The following SERGEF variants were observed in gnomAD, a reference collection of about 807,000 sequenced individuals.
SERGEF encodes the protein secretion-regulating guanine nucleotide exchange factor.
In SERGEF, 51 loss-of-function variants were observed where a neutral mutation model predicts 50.0. The ratio of observed to expected loss-of-function variants is 1.02; its 90% CI spans 0.81 to 1.29. The LOEUF is 1.29. Ranked by LOEUF, SERGEF falls within the 50% of genes most tolerant of loss-of-function variation. The pLI is 0.00. For missense variants in SERGEF, 521 were observed against 557.0 expected (o/e 0.94, Z 0.65); for synonymous variants, 205 against 212.4 (o/e 0.97, Z 0.30).
At chr11:17,877,730 C>T (rs1851263357) in intron 10 of SERGEF, 1 of 153,780 alleles carries the variant, frequency 6.5e-6, no homozygotes, top group Non-Finnish European at 1.4e-5. Flanking sequence ...GAGGAAGCCT[C>T]TATTAACCAG....
At chr11:17,846,093 G>A (rs888488337) in intron 10 of SERGEF, among the ~76,000 whole-genome samples, 3 of 152,214 alleles carry the variant, frequency 2.0e-5, no homozygotes, top group Admixed American at 6.5e-5. Context: ...CCCCTAAAGG[G>A]ATGGTGCTCT....
intron 10 of SERGEF, among the ~76,000 whole-genome samples, chr11:17,796,657 C>T (rs1410965512): frequency 6.6e-6 from 1 of 152,174 alleles, no homozygotes; most frequent in Non-Finnish European, 1.5e-5. Context: ...TTATAAATTA[C>T]CCAGTCTGTG....
At chr11:17,821,589 A>T (rs1388698253) in intron 10 of SERGEF, among the ~76,000 whole-genome samples, 1 of 152,180 alleles carries the variant, frequency 6.6e-6, no homozygotes, top group Non-Finnish European at 1.5e-5. Context: ...TGCATATGCT[A>T]TTCCCTCTGC....
intron 10 of SERGEF, among the ~76,000 whole-genome samples, chr11:17,816,888 TTCAGA>T (rs1210659660): frequency 2.0e-5 from 3 of 152,184 alleles, no homozygotes; most frequent in African/African-American, 7.2e-5. Flanking sequence ...TGACTTCACC[TTCAGA>T]TCAGATCTCA....
chr11:17,828,206 C>A (rs527793629), intron 10 of SERGEF, among the ~76,000 whole-genome samples: 1 of 152,304 alleles, frequency 6.6e-6, no homozygotes, highest in African/African-American at 2.4e-5. Context: ...ATCTTACATG[C>A]GTGTGTGTTA....
chr11:18,005,962 C>A (rs1854064101), intron 3 of SERGEF, among the ~76,000 whole-genome samples: 1 of 152,258 alleles, frequency 6.6e-6, no homozygotes, highest in Non-Finnish European at 1.5e-5. Flanking sequence ...TGGCCACTGG[C>A]CAGCTACCCC....
chr11:17,833,860 A>G (rs1164333593), intron 10 of SERGEF, among the ~76,000 whole-genome samples: 3 of 152,156 alleles, frequency 2.0e-5, no homozygotes, highest in Non-Finnish European at 4.4e-5. Context: ...CTGTAACCCC[A>G]TGGTATCCAG....
At chr11:17,989,016 T>C (rs552558203) in intron 7 of SERGEF, among the ~76,000 whole-genome samples, 105 of 152,332 alleles carry the variant, frequency 6.9e-4, no homozygotes, top group African/African-American at 2.5e-3. Flanking sequence ...TTCTCTTCAC[T>C]TTTTCATTCA....
intron 10 of SERGEF, 27 bp downstream of exon 10, chr11:17,878,181 A>G: frequency 6.6e-7 from 1 of 1,526,196 alleles, no homozygotes; most frequent in African/African-American, 1.4e-5. Context: ...TTCAGAAGAA[A>G]CAGTTATCAG....
intron 10 of SERGEF, among the ~76,000 whole-genome samples, chr11:17,793,786 G>T (rs1453354120): frequency 6.6e-6 from 1 of 152,206 alleles, no homozygotes; most frequent in African/African-American, 2.4e-5. Flanking sequence ...TTTACAGAGG[G>T]ATTCCCTAGG....
At chr11:17,986,066 C>T (rs569039899) in intron 8 of SERGEF, among the ~76,000 whole-genome samples, 54 of 152,174 alleles carry the variant, frequency 3.5e-4, no homozygotes, top group Non-Finnish European at 6.9e-4. Context: ...ATGTGGCCTG[C>T]AAGTTCATTC....
intron 7 of SERGEF, among the ~76,000 whole-genome samples, chr11:17,992,312 GATAC>G (rs1360023598): frequency 2.0e-5 from 3 of 152,076 alleles, no homozygotes; most frequent in African/African-American, 7.2e-5. Context: ...AAGATAAATA[GATAC>G]ATAGGTAAAC....
intron 10 of SERGEF, among the ~76,000 whole-genome samples, chr11:17,824,347 G>A (rs891048499): frequency 5.9e-5 from 9 of 151,884 alleles, no homozygotes; most frequent in African/African-American, 2.2e-4. Flanking sequence ...CTTCTATCTG[G>A]CTGAATATTG....
At chr11:17,903,179 G>A (rs2133922173) in intron 9 of SERGEF, among the ~76,000 whole-genome samples, 1 of 152,312 alleles carries the variant, frequency 6.6e-6, no homozygotes, top group South Asian at 2.1e-4. Context: ...TCAGCTCTAA[G>A]ATAGATAATT....
At chr11:17,873,538 T>G (rs958977522) in intron 10 of SERGEF, among the ~76,000 whole-genome samples, 1 of 152,204 alleles carries the variant, frequency 6.6e-6, no homozygotes, top group African/African-American at 2.4e-5. Flanking sequence ...ATGCCAAGGT[T>G]AGATGTTCTG....
chr11:17,947,078 G>C (rs997249435), intron 9 of SERGEF, among the ~76,000 whole-genome samples: 1 of 152,224 alleles, frequency 6.6e-6, no homozygotes, highest in Non-Finnish European at 1.5e-5. Flanking sequence ...ATAATCAGAT[G>C]TTACAATACA....
At chr11:17,823,000 C>T (rs543535898) in intron 10 of SERGEF, among the ~76,000 whole-genome samples, 2 of 152,276 alleles carry the variant, frequency 1.3e-5, no homozygotes, top group South Asian at 2.1e-4. Flanking sequence ...ATTAGCCAAA[C>T]GTCATATTGT....
chr11:17,874,705 G>A (rs1851210748), intron 10 of SERGEF, among the ~76,000 whole-genome samples: 1 of 152,158 alleles, frequency 6.6e-6, no homozygotes, highest in East Asian at 1.9e-4. Context: ...GCAGAATCCT[G>A]TCCTTGAACA....
At chr11:17,978,340 G>A (rs1220080090) in intron 8 of SERGEF, among the ~76,000 whole-genome samples, 1 of 152,150 alleles carries the variant, frequency 6.6e-6, no homozygotes, top group Non-Finnish European at 1.5e-5. Flanking sequence ...GCATGTCTCT[G>A]GCAAGGCCCT....
Sources: gnomAD v4.1 joint callset for allele counts (sites outside exome capture counted in the v4.1 genomes callset) on GRCh38, gnomAD v4.1.1 for gene constraint, MANE v1.5 for transcripts, NCBI Gene and HGNC (gene_info 2026-07-23, HGNC 2026-07-21) for gene names.